PSMA6: variants seen among roughly 807,000 people sequenced by gnomAD.
The protein encoded by PSMA6 is proteasome subunit alpha type-6.
For synonymous variants in PSMA6, 88 were observed against 97.7 expected, an observed-to-expected ratio of 0.90 and a Z score of 0.59; for missense variants, 170 against 294.8, an observed-to-expected ratio of 0.58 and a Z score of 3.10.
chr14:35,317,151 T>C (rs1342932666), intron 6 of PSMA6, 98 bp from the exon 7 acceptor site: 7 of 829,190 alleles, frequency 8.4e-6, no homozygotes, highest in Non-Finnish European at 1.5e-5. Context: ...TAAAGTAGGT[T>C]GATAGGTATA....
intron 1 of PSMA6, among the ~76,000 whole-genome samples, chr14:35,301,099 G>A (rs1401185520): frequency 6.6e-6 from 1 of 152,130 alleles, no homozygotes; most frequent in East Asian, 1.9e-4. Context: ...AGAATTCTGG[G>A]AAATACCAGT....
At chr14:35,280,223 T>TGA (rs1174068599) in intron 1 of PSMA6, among the ~76,000 whole-genome samples, 1 of 151,702 alleles carries the variant, frequency 6.6e-6, no homozygotes, top group African/African-American at 2.4e-5. Context: ...GTGGATCACC[T>TGA]GAGGTCAGGA....
chr14:35,281,774 A>T (rs1033271589), intron 1 of PSMA6, among the ~76,000 whole-genome samples: 25 of 151,910 alleles, frequency 1.6e-4, no homozygotes, highest in South Asian at 2.1e-4. Context: ...ATTTTTTTTT[A>T]AATTATAAAA....
At position 35,292,390 on chromosome 14, in the gene PSMA6, T is replaced by G; in HGVS notation, c.-87T>G. On this transcript the variant is annotated 5_prime_UTR_variant, in exon 1 of 7. Coordinates refer to ENST00000261479, the MANE Select transcript of PSMA6 (RefSeq NM_002791.3). The stretch of plus-strand genomic sequence containing the variant: ...AACGCGGCTGGTACCCCGGAAGCAG[T>G]CGCTGCAACTTCCGGGAGGTGCTTG... 6.5e-7 allele frequency: 1 copy of G among 1,542,878 alleles called. No homozygotes were observed. The highest frequency in any genetic ancestry group is 1.2e-5 in the South Asian group (1 of 81,044).
intron 6 of PSMA6, 72 bp downstream of exon 6, chr14:35,314,527 T>G: frequency 7.0e-7 from 1 of 1,429,716 alleles, no homozygotes; most frequent in Non-Finnish European, 9.3e-7. Flanking sequence ...CTATAACTTG[T>G]GGGGGAAATC....
At chr14:35,308,561 A>T in intron 2 of PSMA6, 1 of 252,284 alleles carries the variant, frequency 4.0e-6, no homozygotes, top group African/African-American at 2.3e-5. Context: ...GAACGTCTAT[A>T]TACAGTTCAG....
At chr14:35,296,245 A>C (rs2051583977) in intron 1 of PSMA6, among the ~76,000 whole-genome samples, 1 of 152,152 alleles carries the variant, frequency 6.6e-6, no homozygotes, top group South Asian at 2.1e-4. Context: ...GGCTTTAAGG[A>C]TTTAATTAGT....
At chr14:35,297,131 T>TG (rs1447581827) in intron 1 of PSMA6, among the ~76,000 whole-genome samples, 1 of 148,720 alleles carries the variant, frequency 6.7e-6, no homozygotes, top group Non-Finnish European at 1.5e-5. Flanking sequence ...TTTTTTTTTT[T>TG]TTTTTTTTTT....
chr14:35,314,624 C>CAA (rs1162956059), intron 6 of PSMA6, 169 bp downstream of exon 6: 11 of 812,148 alleles, frequency 1.4e-5, no homozygotes, highest in Non-Finnish European at 1.5e-5. Flanking sequence ...ACTTTGGACT[C>CAA]TATTTAAGAG....
In PSMA6 at chr14:35,309,020, ACAT is replaced by A; in HGVS notation, c.253+27_253+29del. The A allele has an allele frequency of 3.4e-6, 5 of 1,456,294 alleles. No homozygotes were observed. In the South Asian group the frequency reaches 6.0e-5, roughly 17 times the overall value. The allele number at this position is 1,456,294 out of a possible 1,614,324, so 90.2% of individuals were successfully genotyped here. On this transcript the variant is annotated intron_variant, in intron 3 of 6. Transcript: ENST00000261479. ...GGTAATTAATCTGTAGATATACAAG[ACAT>A]CTGTAGATATACAAGCCTTTTGTTA... is the stretch of plus-strand genomic sequence containing the variant.
intron 1 of PSMA6, among the ~76,000 whole-genome samples, chr14:35,297,764 G>A (rs1239919266): frequency 2.0e-5 from 3 of 152,182 alleles, no homozygotes; most frequent in Non-Finnish European, 2.9e-5. Flanking sequence ...CACAGCCTGA[G>A]CTGTGTACAG....
At chr14:35,310,417 A>G (rs2138750464) in intron 3 of PSMA6, 2 of 353,030 alleles carry the variant, frequency 5.7e-6, no homozygotes, top group Non-Finnish European at 1.1e-5. Context: ...TGGCCTCCCA[A>G]AGTGTTGAGC....
Position 35,279,087 on chromosome 14 carries a change from G to A in PSMA6, c.19+369G>A, listed in dbSNP as rs550880536. Among the ~76,000 whole-genome samples, 376 of 151,836 alleles carry A rather than the reference G, an allele frequency of 2.5e-3. 2 individuals are homozygous for A. Among genetic ancestry groups the A allele is most frequent in the Non-Finnish European group, 4.1e-3 (277 of 67,976 alleles). On this transcript the variant is annotated intron_variant, in intron 1 of 6. Transcript: ENST00000540871. ...TTTGAGATGGAGTTTCGCTCTTCTC[G>A]CCCAGGCTGGAGTGCAGTGGCGCGA...
intron 5 of PSMA6, 164 bp from the exon 6 acceptor site, chr14:35,314,197 A>G: frequency 4.2e-6 from 3 of 722,518 alleles, no homozygotes; most frequent in Non-Finnish European, 5.7e-6. Context: ...ATTTCTCATC[A>G]TTGGGAGGCA....
At chr14:35,308,196 C>A in intron 2 of PSMA6, 108 bp downstream of exon 2, 1 of 1,428,780 alleles carries the variant, frequency 7.0e-7, no homozygotes, top group Middle Eastern at 2.4e-4. Context: ...CTGAGGTGGG[C>A]AGATCACCTT....
At chr14:35,294,806 A>G (rs1955851309) in intron 1 of PSMA6, among the ~76,000 whole-genome samples, 1 of 152,092 alleles carries the variant, frequency 6.6e-6, no homozygotes, top group South Asian at 2.1e-4. Flanking sequence ...ATACATAATC[A>G]TAATATTCTA....
chr14:35,288,015 A>G (rs190112564), upstream of PSMA6, among the ~76,000 whole-genome samples: 15 of 152,364 alleles, frequency 9.8e-5, no homozygotes, highest in African/African-American at 3.1e-4. Context: ...TCAAATTCTA[A>G]TATAAAATCT....
At chr14:35,278,851 C>A (rs1414404305) in intron 1 of PSMA6, 1 of 996,388 alleles carries the variant, frequency 1.0e-6, no homozygotes, top group East Asian at 2.6e-5. Context: ...TTTTTCTATC[C>A]TGTGTTCCAT....
intron 4 of PSMA6, among the ~76,000 whole-genome samples, chr14:35,312,506 CAAAAAAAAA>C (rs200184285): frequency 2.9e-4 from 29 of 100,254 alleles, no homozygotes; most frequent in Non-Finnish European, 4.2e-4. Flanking sequence ...GAGTCTGTCT[CAAAAAAAAA>C]AAAAAAAAAA....
Sources: allele counts gnomAD v4.1 joint callset (sites outside exome capture counted in the v4.1 genomes callset), GRCh38; gene constraint gnomAD v4.1.1; transcripts MANE v1.5; gene names NCBI Gene and HGNC (gene_info 2026-07-23, HGNC 2026-07-21).